Variants in NPR3 observed in about 807,000 individuals in gnomAD.
The protein encoded by NPR3 is natriuretic peptide receptor 3.
Under a neutral mutation model 54.5 loss-of-function variants are expected in NPR3, and 34 were observed. That is an observed-to-expected ratio of 0.62 (90% CI 0.47 to 0.83). The LOEUF (loss-of-function observed/expected upper bound fraction) is 0.83, where lower values mean the gene tolerates loss of function less well. NPR3 is among the 40% of genes least tolerant of loss of function. The pLI is 0.00. For missense variants in NPR3, 674 were observed against 720.8 expected (o/e 0.94, Z 0.74); for synonymous variants, 289 against 297.1 (o/e 0.97, Z 0.28).
chr5:32,692,219 T>G (rs1740411187), intron 1 of NPR3, among the ~76,000 whole-genome samples: 1 of 152,112 alleles, frequency 6.6e-6, no homozygotes, highest in Non-Finnish European at 1.5e-5. Context: ...GATTTGCAAA[T>G]GAAGAAAATG....
At chr5:32,695,547 C>T (rs1740509822) in intron 1 of NPR3, among the ~76,000 whole-genome samples, 1 of 152,112 alleles carries the variant, frequency 6.6e-6, no homozygotes, top group Admixed American at 6.5e-5. Flanking sequence ...GGATTACAGG[C>T]GTAAGCCACC....
intron 3 of NPR3, among the ~76,000 whole-genome samples, chr5:32,758,788 A>G (rs1740991713): frequency 1.3e-5 from 2 of 152,052 alleles, no homozygotes; most frequent in Admixed American, 1.3e-4. Flanking sequence ...TGTCCCAAAG[A>G]TTCTGGTATG....
In NPR3 at chr5:32,750,060, A is replaced by G. The variant is rs1051611973; in HGVS notation, c.1059+11030A>G. Among the ~76,000 whole-genome samples the G allele has an allele frequency of 2.0e-5, 3 of 152,244 alleles. No homozygotes were observed. The South Asian group carries it at 6.2e-4, about 32-fold the overall frequency. On this transcript the variant is annotated intron_variant, in intron 3 of 7. Coordinates refer to ENST00000265074, the MANE Select transcript of NPR3 (RefSeq NM_001204375.2). ...CTGGACTGGCTTTGCTTCTTGTTGGAGTTCCCTGCCACCCTTCTGTGTACA... is the reference window on the plus strand; with the variant it reads ...CTGGACTGGCTTTGCTTCTTGTTGGGGTTCCCTGCCACCCTTCTGTGTACA...
chr5:32,773,832 A>G (rs1189427579), intron 3 of NPR3, among the ~76,000 whole-genome samples: 2 of 152,236 alleles, frequency 1.3e-5, no homozygotes, highest in African/African-American at 4.8e-5. Context: ...AATACCAAAC[A>G]TTTTATTTAA....
At chr5:32,746,573 C>G (rs1256365606) in intron 3 of NPR3, among the ~76,000 whole-genome samples, 1 of 152,132 alleles carries the variant, frequency 6.6e-6, no homozygotes. Context: ...TGATAAAAAC[C>G]ATTAGTTTTA....
chr5:32,726,137 A>AAGTGTAAG (rs1310702732), intron 2 of NPR3, among the ~76,000 whole-genome samples: 1 of 152,200 alleles, frequency 6.6e-6, no homozygotes, highest in African/African-American at 2.4e-5. Context: ...GTAAGTGTGT[A>AAGTGTAAG]TATCACAAAT....
intron 2 of NPR3, among the ~76,000 whole-genome samples, chr5:32,733,667 G>A (rs1369399824): frequency 6.6e-6 from 1 of 152,134 alleles, no homozygotes; most frequent in East Asian, 1.9e-4. Context: ...ATTATGTTTT[G>A]CCATAAAAGT....
At chr5:32,761,662 T>C (rs1052515153) in intron 3 of NPR3, among the ~76,000 whole-genome samples, 1 of 151,932 alleles carries the variant, frequency 6.6e-6, no homozygotes, top group Non-Finnish European at 1.5e-5. Flanking sequence ...ATTTCTATTT[T>C]TTTTTAATAT....
intron 3 of NPR3, among the ~76,000 whole-genome samples, chr5:32,766,542 G>A (rs963678360): frequency 6.6e-5 from 10 of 152,162 alleles, no homozygotes; most frequent in Non-Finnish European, 1.5e-4. Flanking sequence ...TTAGAGAAAT[G>A]ACATTAAGGA....
chr5:32,691,500 ACT>A (rs1473908877), intron 1 of NPR3, among the ~76,000 whole-genome samples: 2 of 152,180 alleles, frequency 1.3e-5, no homozygotes, highest in Non-Finnish European at 2.9e-5. Context: ...CAGAAGACAG[ACT>A]CTGAAGTTAG....
chr5:32,769,583 C>T (rs1405374346), intron 3 of NPR3, among the ~76,000 whole-genome samples: 1 of 152,234 alleles, frequency 6.6e-6, no homozygotes, highest in East Asian at 1.9e-4. Context: ...GCCTGGCACC[C>T]TTAGTTTCCC....
intron 3 of NPR3, among the ~76,000 whole-genome samples, chr5:32,769,579 C>T (rs1432771318): frequency 3.3e-5 from 5 of 152,242 alleles, no homozygotes; most frequent in South Asian, 2.1e-4. Context: ...TGCTGCCTGG[C>T]ACCCTTAGTT....
rs535040623 is a variant in NPR3 at position 32,786,573 on chromosome 5, T to C, written c.*228T>C. ...AAATATAATAATGATATCGTGTCAC[T>C]CTGTTAAATGTTCATACTGTTTCAA... On this transcript the variant is annotated 3_prime_UTR_variant, in exon 8 of 8. Transcript: ENST00000265074. 23 of 509,586 alleles carry C rather than the reference T, an allele frequency of 4.5e-5. No homozygotes were observed. Among genetic ancestry groups the C allele is most frequent in the African/African-American group, 4.2e-4 (21 of 50,014 alleles). 31.6% of individuals were successfully genotyped at this position (509,586 alleles called of 1,614,324 possible). A position where few individuals can be genotyped will look rare whatever the true frequency, so the allele number is the denominator to read the frequency against.
intron 1 of NPR3, among the ~76,000 whole-genome samples, chr5:32,691,104 A>G (rs1034937343): frequency 1.3e-4 from 20 of 152,192 alleles, no homozygotes; most frequent in African/African-American, 4.6e-4. Context: ...TTCTAAGTAA[A>G]TAAATGGTTG....
At chr5:32,753,027 A>C (rs1740653159) in intron 3 of NPR3, among the ~76,000 whole-genome samples, 1 of 152,226 alleles carries the variant, frequency 6.6e-6, no homozygotes, top group African/African-American at 2.4e-5. Context: ...ATTTGCTTGC[A>C]ATTGGCACAT....
chr5:32,783,148 A>G (rs1199039513), intron 6 of NPR3, 120 bp downstream of exon 6: 19 of 919,102 alleles, frequency 2.1e-5, no homozygotes, highest in Admixed American at 2.8e-5. Context: ...TCTTTCTCTG[A>G]TGTGGTAAAA....
intron 3 of NPR3, among the ~76,000 whole-genome samples, chr5:32,741,479 T>C (rs1740034587): frequency 6.6e-6 from 1 of 152,194 alleles, no homozygotes; most frequent in Non-Finnish European, 1.5e-5. Context: ...TATTCTGTGT[T>C]CATAATATTA....
At chr5:32,733,847 T>G (rs1739589987) in intron 2 of NPR3, among the ~76,000 whole-genome samples, 1 of 152,200 alleles carries the variant, frequency 6.6e-6, no homozygotes, top group Non-Finnish European at 1.5e-5. Context: ...ATATGCAGTT[T>G]TAAATCTTAG....
intron 2 of NPR3, among the ~76,000 whole-genome samples, chr5:32,736,554 A>G (rs1444560587): frequency 6.6e-6 from 1 of 152,232 alleles, no homozygotes; most frequent in Non-Finnish European, 1.5e-5. Context: ...AAATGAATCA[A>G]TAACTATTTA....
Sources: allele counts gnomAD v4.1 joint callset (sites outside exome capture counted in the v4.1 genomes callset), GRCh38; gene constraint gnomAD v4.1.1; transcripts MANE v1.5; gene names NCBI Gene and HGNC (gene_info 2026-07-23, HGNC 2026-07-21).